UNC79: variants seen among roughly 807,000 people sequenced by gnomAD.
The protein encoded by UNC79 is unc-79 subunit of NALCN channel complex, also known as protein unc-79 homolog.
A neutral mutation model predicts 283.1 loss-of-function variants in UNC79; 37 were observed. The observed-to-expected ratio is 0.13, with a 90% CI of 0.10 to 0.17. The LOEUF is 0.17. Ranked by LOEUF, UNC79 falls within the 10% of genes least tolerant of loss-of-function variation. The probability of loss-of-function intolerance (pLI) is 1.00; values close to 1 mark genes in which losing one functional copy is unlikely to be tolerated. For missense variants in UNC79, 2,272 were observed against 3,211.1 expected (o/e 0.71, Z 7.07); for synonymous variants, 1,107 against 1,200.2 (o/e 0.92, Z 1.61).
chr14:93,416,096 C>A (rs1023397673), intron 1 of UNC79, among the ~76,000 whole-genome samples: 2 of 145,104 alleles, frequency 1.4e-5, no homozygotes, highest in African/African-American at 5.1e-5. Context: ...TTTTCTAGTT[C>A]TTTTAATTGT....
rs746984728 is a variant in UNC79 at position 93,617,231 on chromosome 14, G to A, written c.4151G>A (p.Arg1384His). ...CGGCATTATTTCCAACAGCCGCCTC[G>A]TTGCTCCCTCTGGTCCCTAAAGCCT... Residue 1384 changes from arginine to histidine, a missense_variant, in exon 28 of 49, where the codon CGT becomes CAT. This residue lies in a region of UNC79 where 128 missense variants were observed against 230.3 expected (regional missense o/e 0.56). Coordinates refer to ENST00000555664, the Ensembl canonical transcript of UNC79. The surrounding 1 kb of genome is among the most constrained non-coding windows in gnomAD (Gnocchi z 4.5). The A allele has an allele frequency of 1.2e-5, 20 of 1,614,178 alleles. No homozygotes were observed. The highest frequency in any genetic ancestry group is 2.7e-5 in the African/African-American group (2 of 75,038).
intron 38 of UNC79, among the ~76,000 whole-genome samples, chr14:93,655,610 A>C (rs918517504): frequency 6.6e-6 from 1 of 150,962 alleles, no homozygotes; most frequent in African/African-American, 2.4e-5. Context: ...CATTTTGCTC[A>C]CTGACTATGA....
At chr14:93,394,349 G>A (rs908920774) in intron 1 of UNC79, among the ~76,000 whole-genome samples, 31 of 113,002 alleles carry the variant, frequency 2.7e-4, no homozygotes, top group African/African-American at 8.9e-4. Context: ...TCATGCAATT[G>A]TCTTTTATTT....
chr14:93,655,445 T>G, intron 38 of UNC79, 38 bp downstream of exon 41: 1 of 1,604,386 alleles, frequency 6.2e-7, no homozygotes, highest in Non-Finnish European at 8.5e-7. Flanking sequence ...AATTAATTTC[T>G]TACCATTTTC....
intron 7 of UNC79, among the ~76,000 whole-genome samples, chr14:93,502,413 A>G (rs1409575214): frequency 7.9e-6 from 1 of 127,186 alleles, no homozygotes; most frequent in Non-Finnish European, 1.8e-5. Context: ...ACAATGTCTC[A>G]AAAAAAAATG....
chr14:93,616,494 G>T (rs564749935), intron 27 of UNC79, among the ~76,000 whole-genome samples: 1 of 150,594 alleles, frequency 6.6e-6, no homozygotes, highest in African/African-American at 2.4e-5. Context: ...TCAGCCTCCC[G>T]AGTAGCTAGG....
chr14:93,355,176 C>G (rs529847157), intron 1 of UNC79, among the ~76,000 whole-genome samples: 1 of 151,890 alleles, frequency 6.6e-6, no homozygotes, highest in Non-Finnish European at 1.5e-5. Flanking sequence ...ATTACAGGCG[C>G]CTGCCACCAT....
At chr14:93,557,214 G>A (rs1040534411) in intron 14 of UNC79, among the ~76,000 whole-genome samples, 1 of 152,218 alleles carries the variant, frequency 6.6e-6, no homozygotes, top group African/African-American at 2.4e-5. Context: ...GTTTTAGTGT[G>A]TGAATACATC....
intron 13 of UNC79, among the ~76,000 whole-genome samples, chr14:93,542,171 T>C (rs2061411972): frequency 6.6e-6 from 1 of 152,300 alleles, no homozygotes; most frequent in South Asian, 2.1e-4. Context: ...TATCATTTTG[T>C]TGACCTAACT....
intron 24 of UNC79, among the ~76,000 whole-genome samples, chr14:93,600,193 T>C (rs2065399784): frequency 3.3e-5 from 5 of 151,930 alleles, no homozygotes; most frequent in Admixed American, 6.6e-5. Context: ...GAGTGAGACT[T>C]CATCTCAAAA....
intron 7 of UNC79, among the ~76,000 whole-genome samples, chr14:93,509,523 G>A (rs10144646): frequency 1 from 151,952 of 152,274 alleles, 75,821 homozygotes; most frequent in Middle Eastern, 1. Flanking sequence ...CACTGGGTAA[G>A]TACTCCCTTT....
chr14:93,693,218 G>T (rs547703156), intron 46 of UNC79, among the ~76,000 whole-genome samples: 2 of 152,278 alleles, frequency 1.3e-5, no homozygotes, highest in African/African-American at 4.8e-5. Context: ...GAATAGTTCT[G>T]TTAATGGAAA....
intron 1 of UNC79, among the ~76,000 whole-genome samples, chr14:93,394,383 T>TTTATTTTATA (rs2054947140): frequency 6.8e-6 from 1 of 147,564 alleles, no homozygotes; most frequent in South Asian, 2.1e-4. Context: ...TTTATTTTAT[T>TTTATTTTATA]TTATTTTATT....
chr14:93,663,809 G>A (rs1020581515), intron 40 of UNC79, among the ~76,000 whole-genome samples: 8 of 151,788 alleles, frequency 5.3e-5, no homozygotes, highest in African/African-American at 1.9e-4. Context: ...GCACCAAAAA[G>A]ATTTTCTATT....
At chr14:93,618,271 A>T in exon 29 of UNC79, 1 of 1,614,150 alleles carries the variant, frequency 6.2e-7, no homozygotes. Context: ...AATGCGCAGT[A>T]TCATAGCTGC....
chr14:93,609,643 G>A (rs1398229520), intron 26 of UNC79, among the ~76,000 whole-genome samples: 2 of 152,076 alleles, frequency 1.3e-5, no homozygotes, highest in Non-Finnish European at 1.5e-5. Flanking sequence ...TAAGTGTTTT[G>A]TTTTCTTAGA....
At chr14:93,577,712 T>G (rs1158145414) in intron 17 of UNC79, 130 bp from the exon 18 acceptor site, 1 of 841,572 alleles carries the variant, frequency 1.2e-6, no homozygotes, top group Non-Finnish European at 1.9e-6. Context: ...TTGGAGGTAC[T>G]AATGCCATTG....
In UNC79 at chr14:93,620,964, C is replaced by G. The variant is rs532984210; in HGVS notation, c.4388-657C>G. On this transcript the variant is annotated intron_variant, in intron 29 of 48. Coordinates refer to ENST00000555664, the Ensembl canonical transcript of UNC79. ...GGACCCTGCAATAAAGAGTCTCAAA[C>G]TTTTTTTGCAAGATTGAAAAGAATA... 1.5e-4 allele frequency: 78 copies of G among 518,770 alleles called. No homozygotes were observed. Among genetic ancestry groups the G allele is most frequent in the African/African-American group, 1.4e-3 (74 of 52,046 alleles). The allele number at this position is 518,770 out of a possible 1,614,324, so 32.1% of individuals were successfully genotyped here.
rs545273182 is a variant in UNC79, at chr14:93,686,673, G to A, written c.6909+12G>A. On this transcript the variant is annotated intron_variant, in intron 43 of 48. Transcript: ENST00000555664. The stretch of plus-strand genomic sequence containing the variant: ...TGACCAAACTGAAGGTGAGATGACC[G>A]CCACCTGCTCATCCCTCAGGTTCAC... 44 of 1,613,796 alleles carry A rather than the reference G, an allele frequency of 2.7e-5. No individual in the cohort carries two copies. In the East Asian group the frequency reaches 6.5e-4, roughly 24 times the overall value.
Sources: gnomAD v4.1 joint callset for allele counts (sites outside exome capture counted in the v4.1 genomes callset) on GRCh38, gnomAD v4.1.1 for gene constraint, gnomAD v4.1.1 regional missense constraint, Gnocchi (gnomAD v3.1) non-coding constraint, MANE v1.5 for transcripts, NCBI Gene and HGNC (gene_info 2026-07-23, HGNC 2026-07-21) for gene names.